TENM2: variants seen among roughly 807,000 people sequenced by gnomAD.
The protein encoded by TENM2 is teneurin transmembrane protein 2.
TENM2 carries 52 observed loss-of-function variants against 245.2 expected under a neutral mutation model. That is an observed-to-expected ratio of 0.21 (90% CI 0.17 to 0.27). The LOEUF (loss-of-function observed/expected upper bound fraction) is 0.27. TENM2 is among the 10% of genes least tolerant of loss of function. TENM2 has a pLI of 1.00. For synonymous variants in TENM2, 1,363 were observed against 1,438.9 expected (o/e 0.95, Z 1.19); for missense variants, 3,046 against 3,666.8 (o/e 0.83, Z 4.37).
chr5:167,904,703 G>A (rs1030149918), intron 3 of TENM2, among the ~76,000 whole-genome samples: 4 of 151,926 alleles, frequency 2.6e-5, no homozygotes, highest in Non-Finnish European at 5.9e-5. Flanking sequence ...AGAAAACTCA[G>A]AACTTAAAGA....
At chr5:167,082,162 T>C in the TENM2 span, among the ~76,000 whole-genome samples, 62 of 152,324 alleles carry the variant, frequency 4.1e-4, no homozygotes, top group Admixed American at 3.1e-3. Context: ...TTCTTATTAT[T>C]ACTACTATGA....
intron 2 of TENM2, among the ~76,000 whole-genome samples, chr5:167,547,864 A>G (rs1344572520): frequency 6.6e-6 from 1 of 152,238 alleles, no homozygotes; most frequent in Non-Finnish European, 1.5e-5. Context: ...ACAAAGGGAA[A>G]GGTGGAGACA....
chr5:167,468,390 G>A (rs1174151595), intron 2 of TENM2, among the ~76,000 whole-genome samples: 1 of 152,276 alleles, frequency 6.6e-6, no homozygotes, highest in African/African-American at 2.4e-5. Context: ...TAAGCATAAG[G>A]TGAATTTTAA....
intron 2 of TENM2, among the ~76,000 whole-genome samples, chr5:167,548,319 A>G (rs1343351211): frequency 6.6e-6 from 1 of 152,084 alleles, no homozygotes; most frequent in Non-Finnish European, 1.5e-5. Context: ...TCTCCTACCA[A>G]TTTCTTCAAT....
the TENM2 span, among the ~76,000 whole-genome samples, chr5:167,278,376 A>G: frequency 5.3e-5 from 8 of 152,180 alleles, no homozygotes; most frequent in Non-Finnish European, 1.2e-4. Flanking sequence ...TCACTTTGCC[A>G]GTCTTTGTCT....
intron 2 of TENM2, among the ~76,000 whole-genome samples, chr5:167,443,319 C>A (rs1454997262): frequency 2.6e-5 from 4 of 152,132 alleles, no homozygotes; most frequent in Non-Finnish European, 2.9e-5. Flanking sequence ...AGCTTCAAGC[C>A]TGTTTTTGTA....
chr5:167,986,638 A>G (rs990549197), intron 4 of TENM2, among the ~76,000 whole-genome samples: 3 of 152,150 alleles, frequency 2.0e-5, no homozygotes, highest in Non-Finnish European at 4.4e-5. Flanking sequence ...AGAGCAATTG[A>G]GTTGTGCTTG....
chr5:167,989,917 G>A (rs1783540542), intron 4 of TENM2, among the ~76,000 whole-genome samples: 1 of 152,134 alleles, frequency 6.6e-6, no homozygotes, highest in Non-Finnish European at 1.5e-5. Context: ...CGGGATGTGG[G>A]TCAGGAGCTA....
intron 25 of TENM2, among the ~76,000 whole-genome samples, chr5:168,242,389 A>G (rs1292885066): frequency 6.6e-6 from 1 of 152,164 alleles, no homozygotes; most frequent in Non-Finnish European, 1.5e-5. Flanking sequence ...CATTTGACAC[A>G]TTTCAGGGCA....
At chr5:167,398,979 A>T (rs1762224450) in intron 2 of TENM2, among the ~76,000 whole-genome samples, 1 of 152,084 alleles carries the variant, frequency 6.6e-6, no homozygotes, top group South Asian at 2.1e-4. Flanking sequence ...CTCCTTCATA[A>T]CCCTTGGCTG....
chr5:167,830,605 T>C (rs1409475464), intron 2 of TENM2, among the ~76,000 whole-genome samples: 2 of 152,186 alleles, frequency 1.3e-5, no homozygotes, highest in African/African-American at 4.8e-5. Context: ...CAATGTTGTG[T>C]ACTATAGTGT....
chr5:168,112,606 C>CGGCG (rs1554199700), intron 9 of TENM2, among the ~76,000 whole-genome samples: 1 of 64,082 alleles, frequency 1.6e-5, no homozygotes, highest in Non-Finnish European at 3.3e-5. Context: ...GTGCAGTGGG[C>CGGCG]GGGGGGGGGG....
At chr5:167,177,199 A>G in the TENM2 span, among the ~76,000 whole-genome samples, 6 of 152,210 alleles carry the variant, frequency 3.9e-5, no homozygotes, top group African/African-American at 7.2e-5. Context: ...CTAAGCCTAA[A>G]AGATTTAACA....
chr5:167,866,542 C>T (rs1363113855), intron 2 of TENM2, among the ~76,000 whole-genome samples: 2 of 151,686 alleles, frequency 1.3e-5, no homozygotes, highest in Non-Finnish European at 2.9e-5. Context: ...GAGAGAGCAC[C>T]TTCCATGCAC....
At chr5:167,058,559 G>A in the TENM2 span, among the ~76,000 whole-genome samples, 1 of 152,094 alleles carries the variant, frequency 6.6e-6, no homozygotes, top group Admixed American at 6.6e-5. Flanking sequence ...AGGAATTTGA[G>A]ACCTCCTTGG....
chr5:167,711,274 G>T (rs1035483743), intron 2 of TENM2, among the ~76,000 whole-genome samples: 2 of 152,128 alleles, frequency 1.3e-5, no homozygotes, highest in African/African-American at 2.4e-5. Flanking sequence ...ACTAACTTCC[G>T]GGAATATGGG....
At chr5:167,728,110 T>C (rs892309929) in intron 2 of TENM2, among the ~76,000 whole-genome samples, 16 of 152,188 alleles carry the variant, frequency 1.1e-4, no homozygotes, top group African/African-American at 3.6e-4. Flanking sequence ...ACCAGTCTTA[T>C]GATGGAGGAA....
At chr5:167,238,081 A>G in the TENM2 span, among the ~76,000 whole-genome samples, 11 of 151,770 alleles carry the variant, frequency 7.2e-5, no homozygotes, top group Middle Eastern at 3.4e-3. Flanking sequence ...TGGAATGTAC[A>G]GACATTAATG....
intron 2 of TENM2, among the ~76,000 whole-genome samples, chr5:167,437,924 C>A (rs929180731): frequency 2.6e-5 from 4 of 152,148 alleles, no homozygotes; most frequent in African/African-American, 4.8e-5. Flanking sequence ...TCTTGGATAT[C>A]GTTATTAGCA....
Sources: gnomAD v4.1 joint callset for allele counts (sites outside exome capture counted in the v4.1 genomes callset) on GRCh38, gnomAD v4.1.1 for gene constraint, MANE v1.5 for transcripts, NCBI Gene and HGNC (gene_info 2026-07-23, HGNC 2026-07-21) for gene names.